Variants in ZNF670 observed in about 807,000 individuals in gnomAD.
ZNF670 encodes the protein zinc finger protein 670.
Under a neutral mutation model 10.9 loss-of-function variants are expected in ZNF670, and 7 were observed. That is an observed-to-expected ratio of 0.64 (90% CI 0.36 to 1.20). The LOEUF (loss-of-function observed/expected upper bound fraction) is 1.20, where lower values mean the gene tolerates loss of function less well. Among genes scored for constraint, ZNF670 ranks in the 50% most tolerant of loss-of-function variants. The pLI, the probability that ZNF670 is intolerant of heterozygous loss-of-function variation, is 0.02. For missense variants in ZNF670, 446 were observed against 458.6 expected, an observed-to-expected ratio of 0.97 and a Z score of 0.25; for synonymous variants, 136 against 152.7, an observed-to-expected ratio of 0.89 and a Z score of 0.81.
intron 1 of ZNF670, among the ~76,000 whole-genome samples, chr1:247,077,070 C>T (rs537734434): frequency 1.2e-4 from 19 of 152,314 alleles, no homozygotes; most frequent in Admixed American, 5.9e-4. Context: ...TTCCCAAGTC[C>T]GAGAAAATCC....
At position 247,061,794 on chromosome 1, in the gene ZNF670, T is replaced by C. The variant is rs1476129873; in HGVS notation, c.3+16800A>G. Among the ~76,000 whole-genome samples the C allele has an allele frequency of 2.6e-5, 4 of 152,272 alleles. No homozygotes were observed. The East Asian group carries it at 7.7e-4, about 29-fold the overall frequency. ...TTGTAGAGAACACTGTCATGGAGTA[T>C]TATACACTGAATGTTTATCCCCCCA... is the stretch of plus-strand genomic sequence containing the variant. On this transcript the variant is annotated intron_variant, in intron 1 of 3. Coordinates refer to ENST00000366503, the MANE Select transcript of ZNF670 (RefSeq NM_033213.5).
chr1:247,077,617 G>A (rs1558350370), intron 1 of ZNF670, among the ~76,000 whole-genome samples: 1 of 151,750 alleles, frequency 6.6e-6, no homozygotes, highest in Admixed American at 6.6e-5. Context: ...TCACTACTCT[G>A]AAAAAAATAA....
rs1306081115 is a variant in ZNF670 at position 247,038,222 on chromosome 1, A to G, written c.397T>C (p.Cys133Arg). 6.2e-7 allele frequency: 1 copy of G among 1,614,130 alleles called. No individual in the cohort carries two copies. Among genetic ancestry groups the G allele is most frequent in the East Asian group, 2.2e-5 (1 of 44,868 alleles). ...LSHIGNKLFE[C>R]EECPEKLYHC... ...TATAACTTCTCTGGACATTCCTCAC[A>G]CTCAAATAGTTTGTTTCCAATGTGA... The change falls in exon 4 of 4, where the codon TGT (cysteine) becomes CGT (arginine). Residue 133 changes from cysteine to arginine, a missense_variant. Physicochemically the swap from Cys to Arg is radical, Grantham distance 180. Transcript: ENST00000366503.
intron 1 of ZNF670, among the ~76,000 whole-genome samples, chr1:247,048,287 G>A (rs1412212911): frequency 6.6e-6 from 1 of 152,126 alleles, no homozygotes; most frequent in Non-Finnish European, 1.5e-5. Context: ...CAGATCTCTA[G>A]GGCAGGGGCA....
rs752199734 is a variant in ZNF670 at position 247,037,497 on chromosome 1, G to A, written c.1122C>T (p.Phe374=). The A allele has an allele frequency of 5.6e-6, 9 of 1,613,844 alleles. No individual in the cohort carries two copies. Among genetic ancestry groups the A allele is most frequent in the East Asian group, 2.2e-5 (1 of 44,882 alleles). Residue 374 remains phenylalanine (F), a synonymous_variant, in exon 4 of 4, where the codon TTC becomes TTT. Coordinates refer to ENST00000366503, the MANE Select transcript of ZNF670 (RefSeq NM_033213.5). ...PYECKKCGKA[F]SCSSSLRKHE... is the part of the protein sequence containing the mutation. ...GCTTTCGAAGGGAACTGGAACAACT[G>A]AAGGCTTTACCACATTTCTTACATT... is the stretch of plus-strand genomic sequence containing the variant.
intron 1 of ZNF670, among the ~76,000 whole-genome samples, chr1:247,055,762 G>T (rs1457887319): frequency 6.6e-6 from 1 of 152,084 alleles, no homozygotes; most frequent in Non-Finnish European, 1.5e-5. Context: ...CCACTGACTG[G>T]CTGCCTAACA....
chr1:247,047,879 G>A (rs575822414), intron 1 of ZNF670, among the ~76,000 whole-genome samples: 2 of 152,076 alleles, frequency 1.3e-5, no homozygotes. Flanking sequence ...GCAAGGCCCT[G>A]GGTCCCGGAT....
intron 1 of ZNF670, among the ~76,000 whole-genome samples, chr1:247,077,308 G>A (rs576861001): frequency 6.6e-6 from 1 of 152,292 alleles, no homozygotes; most frequent in African/African-American, 2.4e-5. Flanking sequence ...TGTCCTCTGT[G>A]AGGAGATGAC....
At chr1:247,061,759 A>G (rs969334360) in intron 1 of ZNF670, among the ~76,000 whole-genome samples, 6 of 152,192 alleles carry the variant, frequency 3.9e-5, no homozygotes, top group Non-Finnish European at 8.8e-5. Flanking sequence ...GTCTGATAAT[A>G]GCAAAGATAT....
Position 247,037,981 on chromosome 1 carries a change from C to G in ZNF670, c.638G>C (p.Arg213Pro). The G allele has an allele frequency of 6.2e-7, 1 of 1,613,268 alleles. No individual in the cohort carries two copies. Among genetic ancestry groups the G allele is most frequent in the Non-Finnish European group, 8.5e-7 (1 of 1,179,696 alleles). The change falls in exon 4 of 4, where the codon CGT (arginine) becomes CCT (proline). Residue 213 changes from arginine to proline, a missense_variant. Coordinates refer to ENST00000366503, the MANE Select transcript of ZNF670 (RefSeq NM_033213.5). Reference protein sequence around the residue: ...DKAFNYSSYLREHERTHTGEK... With the variant: ...DKAFNYSSYLPEHERTHTGEK... The stretch of plus-strand genomic sequence containing the variant: ...TCCAGTATGAGTTCTTTCATGTTCA[C>G]GAAGATAACTTGAATAATTGAAGGC...
rs755088811 is a variant in ZNF670 at position 247,036,884 on chromosome 1, A to ACACACACACG, written c.*564_*565insCGTGTGTGTG. 4.0e-5 allele frequency: 6 copies of ACACACACACG among 151,578 alleles called. No homozygotes were observed. The highest frequency in any genetic ancestry group is 7.3e-5 in the Non-Finnish European group (5 of 68,206). 9.4% of individuals were successfully genotyped at this position (151,578 alleles called of 1,614,324 possible). ...AAAAAGGTAGAATACACACACACAC[A>ACACACACACG]CACACACACACACACACACATGAAC... On this transcript the variant is annotated 3_prime_UTR_variant, in exon 4 of 4. Transcript: ENST00000366503.
At chr1:247,049,553 C>T (rs76699550) in intron 1 of ZNF670, among the ~76,000 whole-genome samples, 2,873 of 151,964 alleles carry the variant, frequency 0.019, 50 homozygotes, top group Non-Finnish European at 0.028. Flanking sequence ...TTCTTTTATT[C>T]TGCTGGGTTT....
intron 3 of ZNF670, among the ~76,000 whole-genome samples, 156 bp downstream of exon 3, chr1:247,038,654 T>C (rs921972824): frequency 2.0e-5 from 3 of 152,206 alleles, no homozygotes; most frequent in Non-Finnish European, 4.4e-5. Context: ...TCTGAAAATA[T>C]TGAACATCAA....
chr1:247,068,392 A>G (rs1358179073), intron 1 of ZNF670, among the ~76,000 whole-genome samples: 2 of 150,336 alleles, frequency 1.3e-5, no homozygotes, highest in African/African-American at 5.0e-5. Context: ...CAAATGGAAA[A>G]CAGGCATATG....
At chr1:247,058,255 G>A (rs1470908003) in intron 1 of ZNF670, among the ~76,000 whole-genome samples, 2 of 152,056 alleles carry the variant, frequency 1.3e-5, no homozygotes, top group Non-Finnish European at 2.9e-5. Flanking sequence ...AATAATTGAA[G>A]ATTAAACTGC....
chr1:247,074,573 TG>T (rs1375752667), intron 1 of ZNF670, among the ~76,000 whole-genome samples: 1 of 152,196 alleles, frequency 6.6e-6, no homozygotes, highest in Admixed American at 6.5e-5. Flanking sequence ...CCCACCTTTT[TG>T]GCATCAGGGA....
chr1:247,068,701 T>C (rs560516533), intron 1 of ZNF670, among the ~76,000 whole-genome samples: 17 of 150,640 alleles, frequency 1.1e-4, no homozygotes, highest in South Asian at 8.3e-4. Flanking sequence ...CAAAGAGATA[T>C]CTGCACTCCC....
intron 1 of ZNF670, among the ~76,000 whole-genome samples, chr1:247,051,278 A>AC (rs1553321039): frequency 1.3e-5 from 2 of 152,010 alleles, no homozygotes; most frequent in Non-Finnish European, 2.9e-5. Flanking sequence ...ACAAAAAAAA[A>AC]ACTCCTTTTA....
intron 1 of ZNF670, among the ~76,000 whole-genome samples, chr1:247,072,837 T>C (rs1395423178): frequency 0.28 from 24,479 of 86,786 alleles, 3,775 homozygotes; most frequent in African/African-American, 0.44. Context: ...TATATATATA[T>C]ATGCATACAC....
Sources: gnomAD v4.1 joint callset for allele counts (sites outside exome capture counted in the v4.1 genomes callset) on GRCh38, gnomAD v4.1.1 for gene constraint, MANE v1.5 for transcripts, NCBI Gene and HGNC (gene_info 2026-07-23, HGNC 2026-07-21) for gene names.